Variants in MRPL19 observed in about 807,000 individuals in gnomAD.
MRPL19 encodes the protein large ribosomal subunit protein bL19m.
Under a neutral mutation model 34.0 loss-of-function variants are expected in MRPL19, and 31 were observed. The observed-to-expected ratio is 0.91, with a 90% confidence interval of 0.68 to 1.23. The LOEUF is 1.23. MRPL19 is among the 50% of genes most tolerant of loss of function. The pLI is 0.00. For missense variants in MRPL19, 384 were observed against 367.6 expected, an observed-to-expected ratio of 1.04 and a Z score of -0.37; for synonymous variants, 152 against 127.7, an observed-to-expected ratio of 1.19 and a Z score of -1.28.
Position 75,659,764 on chromosome 2 carries a change from T to C in MRPL19, c.*4479T>C, listed in dbSNP as rs370141541. On this transcript the variant is annotated 3_prime_UTR_variant, in exon 6 of 6. Coordinates refer to ENST00000393909, the MANE Select transcript of MRPL19 (RefSeq NM_014763.4). ...TATAAAATTTGAGGATTCCTCATTC[T>C]TGATGAGTCAGTTCTGTCTTATTGC... is the stretch of plus-strand genomic sequence containing the variant. Among the ~76,000 whole-genome samples the C allele has an allele frequency of 2.6e-5, 4 of 152,204 alleles. No individual in the cohort carries two copies. Among genetic ancestry groups the C allele is most frequent in the Non-Finnish European group, 5.9e-5 (4 of 68,020 alleles).
At chr2:75,647,262 G>C in intron 2 of MRPL19, 43 bp downstream of exon 2, 3 of 1,527,730 alleles carry the variant, frequency 2.0e-6, no homozygotes, top group Non-Finnish European at 2.6e-6. Flanking sequence ...TGGGGTCGGT[G>C]CGCGCGTGAG....
rs373385427 is a variant in MRPL19 at position 75,654,740 on chromosome 2, C to A, written c.480C>A (p.Val160=). 6.2e-7 allele frequency: 1 copy of A among 1,613,078 alleles called. No individual in the cohort carries two copies. Among genetic ancestry groups the A allele is most frequent in the Non-Finnish European group, 8.5e-7 (1 of 1,179,586 alleles). ...ILRNVIEGQG[V]EICFELYNPR... ...TATGTTTTCTGTTCTATTTAGGTGT[C>A]GAGATTTGCTTTGAACTTTATAATC... The change falls in exon 5 of 6, where the codon GTC becomes GTA. Residue 160 remains valine, a synonymous_variant. Coordinates refer to ENST00000393909, the MANE Select transcript of MRPL19 (RefSeq NM_014763.4).
In MRPL19 at chr2:75,654,812, T is replaced by C; in HGVS notation, c.552T>C (p.Asp184=). 1 of 1,613,944 alleles carries C rather than the reference T, an allele frequency of 6.2e-7. No homozygotes were observed. The change falls in exon 5 of 6, where the codon GAT becomes GAC. Residue 184 remains aspartate (D), a synonymous_variant. Transcript: ENST00000393909. The part of the protein sequence containing the change: ...IQVVKLEKRL[D]DSLLYLRDAL... ...TGGTCAAATTAGAGAAACGGCTGGATGATAGCTTGCTATACTTACGAGATG... is the reference window on the plus strand; with the variant it reads ...TGGTCAAATTAGAGAAACGGCTGGACGATAGCTTGCTATACTTACGAGATG...
At chr2:75,654,644 C>T (rs1479108228) in intron 4 of MRPL19, 92 bp from the exon 5 acceptor site, 1 of 1,196,714 alleles carries the variant, frequency 8.4e-7, no homozygotes, top group Non-Finnish European at 1.1e-6. Context: ...AAACTTTGTG[C>T]TAATTCCTTT....
chr2:75,659,775 GT>G lies in MRPL19; in HGVS notation c.*4492del, dbSNP rs1468326670. ...AGGATTCCTCATTCTTGATGAGTCAGTTCTGTCTTATTGCTTTTCGGATTTG... is the reference window on the plus strand; with the variant it reads ...AGGATTCCTCATTCTTGATGAGTCAGTCTGTCTTATTGCTTTTCGGATTTG... On this transcript the variant is annotated 3_prime_UTR_variant, in exon 6 of 6. Transcript: ENST00000393909. Among the ~76,000 whole-genome samples the G allele has an allele frequency of 1.3e-5, 2 of 152,126 alleles. No individual in the cohort carries two copies. The highest frequency in any genetic ancestry group is 2.9e-5 in the Non-Finnish European group (2 of 67,998).
In MRPL19 at chr2:75,661,100, T is replaced by C. The variant is rs1289984690; in HGVS notation, c.*5815T>C. The C allele has an allele frequency of 6.6e-6, 1 of 152,180 alleles. No homozygotes were observed. The highest frequency in any genetic ancestry group is 2.4e-5 in the African/African-American group (1 of 41,450). The allele number at this position is 152,180 out of a possible 1,614,324, so 9.4% of individuals were successfully genotyped here. On this transcript the variant is annotated 3_prime_UTR_variant, in exon 6 of 6. Coordinates refer to ENST00000393909, the MANE Select transcript of MRPL19 (RefSeq NM_014763.4). Reference sequence around the variant, plus strand: ...AAGAATTTGTAAGTTCTGCTCAGCTTCCTCTAGAAATGGGGATCAGGGTCC... The same window carrying C: ...AAGAATTTGTAAGTTCTGCTCAGCTCCCTCTAGAAATGGGGATCAGGGTCC...
At chr2:75,647,387 C>G in intron 2 of MRPL19, 168 bp downstream of exon 2, 1 of 634,736 alleles carries the variant, frequency 1.6e-6, no homozygotes, top group Middle Eastern at 4.3e-4. Context: ...TCTCACTTCT[C>G]CCCAAGCCAG....
At chr2:75,652,098 G>A in intron 2 of MRPL19, 44 bp from the exon 3 acceptor site, 1 of 1,175,716 alleles carries the variant, frequency 8.5e-7, no homozygotes, top group Admixed American at 2.4e-5. Context: ...TCTTCTAGCA[G>A]CCTTTTGAGT....
chr2:75,654,289 C>A (rs192673249), intron 4 of MRPL19, among the ~76,000 whole-genome samples: 1 of 152,124 alleles, frequency 6.6e-6, no homozygotes, highest in Admixed American at 6.5e-5. Flanking sequence ...ATCCACTAAT[C>A]CTTAATCAAA....
intron 2 of MRPL19, among the ~76,000 whole-genome samples, chr2:75,649,573 C>G (rs527721335): frequency 6.6e-6 from 1 of 152,104 alleles, no homozygotes; most frequent in African/African-American, 2.4e-5. Context: ...AGAAGGGTAT[C>G]GTGATAATAT....
rs1045505355 is a variant in MRPL19 at position 75,647,212 on chromosome 2, G to C, written c.214G>C (p.Glu72Gln). ...IVDKHRPVEPERRFLSPEFIP... is the reference protein window; with the variant it reads ...IVDKHRPVEPQRRFLSPEFIP... Reference sequence around the variant, plus strand: ...GGACAAGCACCGCCCCGTGGAACCGGAACGCAGGTGAGGCACTGCCCTGGC... The same window carrying C: ...GGACAAGCACCGCCCCGTGGAACCGCAACGCAGGTGAGGCACTGCCCTGGC... The change falls in exon 2 of 6, where the codon GAA becomes CAA. Residue 72 changes from glutamate (E) to glutamine (Q), a missense_variant. Physicochemically the swap from Glu to Gln is conservative, Grantham distance 29. Transcript: ENST00000393909. 1.0e-5 allele frequency: 16 copies of C among 1,579,880 alleles called. No homozygotes were observed. The African/African-American group carries it at 1.8e-4, about 17-fold the overall frequency.
chr2:75,647,204 T>C lies in MRPL19; in HGVS notation c.206T>C (p.Val69Ala). Reference protein sequence around the residue: ...KPVIVDKHRPVEPERRFLSPE... With the variant: ...KPVIVDKHRPAEPERRFLSPE... ...GTCATCGTGGACAAGCACCGCCCCG[T>C]GGAACCGGAACGCAGGTGAGGCACT... is the stretch of plus-strand genomic sequence containing the variant. Residue 69 changes from valine (V) to alanine (A), a missense_variant, in exon 2 of 6, where the codon GTG (valine) becomes GCG (alanine). Val to Ala is a moderately conservative substitution (Grantham distance 64). Transcript: ENST00000393909. 1 of 1,580,828 alleles carries C rather than the reference T, an allele frequency of 6.3e-7. No individual in the cohort carries two copies. Among genetic ancestry groups the C allele is most frequent in the Non-Finnish European group, 8.6e-7 (1 of 1,163,070 alleles).
chr2:75,659,037 T>C lies in MRPL19; in HGVS notation c.*3752T>C, dbSNP rs1678536598. 6.6e-6 allele frequency among the ~76,000 whole-genome samples: 1 copy of C among 152,094 alleles called. No individual in the cohort carries two copies. Among genetic ancestry groups the C allele is most frequent in the African/African-American group, 2.4e-5 (1 of 41,436 alleles). ...ATTTAAAGTAATTAAGGAAGGACTT[T>C]CTTCTACCATTTAACACTTCTTCTA... On this transcript the variant is annotated 3_prime_UTR_variant, in exon 6 of 6. Transcript: ENST00000393909.
chr2:75,652,696 TTA>T (rs749100051), intron 4 of MRPL19, 39 bp downstream of exon 4: 1 of 1,584,650 alleles, frequency 6.3e-7, no homozygotes, highest in Non-Finnish European at 8.6e-7. Context: ...CTAGAAAATG[TTA>T]TCTCAGGATT....
rs1173077295 is a variant in MRPL19, at chr2:75,658,479, T to A, written c.*3194T>A. On this transcript the variant is annotated 3_prime_UTR_variant, in exon 6 of 6. Coordinates refer to ENST00000393909, the MANE Select transcript of MRPL19 (RefSeq NM_014763.4). Reference sequence around the variant, plus strand: ...AGTAAACATTGACATAACAAGTATGTATTTGATTGCCTGTTTCTAAGTTCT... The same window carrying A: ...AGTAAACATTGACATAACAAGTATGAATTTGATTGCCTGTTTCTAAGTTCT... Among the ~76,000 whole-genome samples the A allele has an allele frequency of 6.6e-6, 1 of 152,192 alleles. No homozygotes were observed. Among genetic ancestry groups the A allele is most frequent in the Admixed American group, 6.5e-5 (1 of 15,270 alleles).
chr2:75,650,917 T>C (rs1362433864), intron 2 of MRPL19, among the ~76,000 whole-genome samples: 1 of 152,094 alleles, frequency 6.6e-6, no homozygotes, highest in Admixed American at 6.5e-5. Flanking sequence ...CAGCACCTTC[T>C]GATTGGAAGC....
rs1339927392 is a variant in MRPL19, at chr2:75,656,931, T to C, written c.*1646T>C. 1.3e-5 allele frequency: 2 copies of C among 152,080 alleles called. No individual in the cohort carries two copies. Among genetic ancestry groups the C allele is most frequent in the Non-Finnish European group, 2.9e-5 (2 of 68,006 alleles). The allele number at this position is 152,080 out of a possible 1,614,324, so 9.4% of individuals were successfully genotyped here. ...CTCCCTCCCTTGACCCCAGTCTCTG[T>C]TTTTTAGCTCTTTAGCTCAATCTTC... On this transcript the variant is annotated 3_prime_UTR_variant, in exon 6 of 6. Coordinates refer to ENST00000393909, the MANE Select transcript of MRPL19 (RefSeq NM_014763.4).
In MRPL19 at chr2:75,657,904, T is replaced by C. The variant is rs1477907793; in HGVS notation, c.*2619T>C. 2 of 152,076 alleles carry C rather than the reference T, an allele frequency of 1.3e-5. No individual in the cohort carries two copies. Among genetic ancestry groups the C allele is most frequent in the Admixed American group, 6.6e-5 (1 of 15,246 alleles). The allele number at this position is 152,076 out of a possible 1,614,324, so 9.4% of individuals were successfully genotyped here. A position where few individuals can be genotyped will look rare whatever the true frequency, so the allele number is the denominator to read the frequency against. On this transcript the variant is annotated 3_prime_UTR_variant, in exon 6 of 6. Coordinates refer to ENST00000393909, the MANE Select transcript of MRPL19 (RefSeq NM_014763.4). ...GGTAGGATATATATATAAAACATAA[T>C]TTGCCATTGTAAACATTTTAAATTT... is the stretch of plus-strand genomic sequence containing the variant.
Position 75,646,812 on chromosome 2 carries a change from C to G in MRPL19, c.5C>G (p.Ala2Gly). 6.6e-7 allele frequency: 1 copy of G among 1,521,434 alleles called. No homozygotes were observed. The highest frequency in any genetic ancestry group is 1.4e-5 in the African/African-American group (1 of 72,188). The allele number at this position is 1,521,434 out of a possible 1,614,324, so 94.2% of individuals were successfully genotyped here. Residue 2 changes from alanine (A) to glycine (G), a missense_variant, in exon 1 of 6, where the codon GCG becomes GGG. Ala to Gly is a moderately conservative substitution (Grantham distance 60). Coordinates refer to ENST00000393909, the MANE Select transcript of MRPL19 (RefSeq NM_014763.4). Reference protein sequence around the residue: MAACIAAGHWAA... With the variant: MGACIAAGHWAA... The stretch of plus-strand genomic sequence containing the variant: ...TCTTGACGTGAGCTAGCTGGCATGG[C>G]GGCCTGCATTGCAGCGGGGCACTGG...
Sources: allele counts gnomAD v4.1 joint callset (sites outside exome capture counted in the v4.1 genomes callset), GRCh38; gene constraint gnomAD v4.1.1; transcripts MANE v1.5; gene names NCBI Gene and HGNC (gene_info 2026-07-23, HGNC 2026-07-21).